The following KCTD16 variants were observed in gnomAD, a reference collection of about 807,000 sequenced individuals.
KCTD16 encodes the protein BTB/POZ domain-containing protein KCTD16.
In KCTD16, 13 loss-of-function variants were observed where a neutral mutation model predicts 33.2. The observed-to-expected ratio is 0.39, with a 90% CI of 0.25 to 0.62. The LOEUF (loss-of-function observed/expected upper bound fraction) is 0.62. Ranked by LOEUF, KCTD16 falls within the 20% of genes least tolerant of loss-of-function variation. The pLI, the probability that KCTD16 is intolerant of heterozygous loss-of-function variation, is 0.50. For synonymous variants in KCTD16, 197 were observed against 195.3 expected (o/e 1.01, Z -0.07); for missense variants, 441 against 525.1 (o/e 0.84, Z 1.57).
intron 3 of KCTD16, among the ~76,000 whole-genome samples, chr5:144,452,584 A>G (rs1753970379): frequency 6.6e-6 from 1 of 151,980 alleles, no homozygotes; most frequent in Non-Finnish European, 1.5e-5. Flanking sequence ...TGGACGGGAA[A>G]GAGCATTGCT....
chr5:144,239,210 G>T (rs1754334729), intron 3 of KCTD16, among the ~76,000 whole-genome samples: 1 of 152,096 alleles, frequency 6.6e-6, no homozygotes, highest in African/African-American at 2.4e-5. Flanking sequence ...CCCTTAGGAA[G>T]CCATGATGCT....
At chr5:144,342,134 G>A (rs1199450558) in intron 3 of KCTD16, among the ~76,000 whole-genome samples, 2 of 151,978 alleles carry the variant, frequency 1.3e-5, no homozygotes, top group Non-Finnish European at 2.9e-5. Context: ...AGCTTGATGG[G>A]GATGGCATTG....
At chr5:144,322,052 A>G (rs968418331) in intron 3 of KCTD16, among the ~76,000 whole-genome samples, 1 of 152,204 alleles carries the variant, frequency 6.6e-6, no homozygotes, top group African/African-American at 2.4e-5. Flanking sequence ...TGTAGAAGCA[A>G]TATAAATTTT....
chr5:144,331,680 A>G lies in KCTD16; in HGVS notation c.832+124134A>G, dbSNP rs540220338. ...GTTACTGTCACTCACCAATGGTAGTATCATGTTATTAAGAGTCTGAGAGAA... is the reference window on the plus strand; with the variant it reads ...GTTACTGTCACTCACCAATGGTAGTGTCATGTTATTAAGAGTCTGAGAGAA... On this transcript the variant is annotated intron_variant, in intron 3 of 3. Transcript: ENST00000512467. Among the ~76,000 whole-genome samples the G allele has an allele frequency of 2.0e-4, 30 of 152,290 alleles. No individual in the cohort carries two copies. In the South Asian group the frequency reaches 2.1e-3, roughly 11 times the overall value.
chr5:144,424,826 C>T (rs1447619378), intron 3 of KCTD16, among the ~76,000 whole-genome samples: 4 of 152,118 alleles, frequency 2.6e-5, no homozygotes, highest in African/African-American at 7.2e-5. Flanking sequence ...GAGGAAATCC[C>T]TCATTGCCTA....
intron 3 of KCTD16, among the ~76,000 whole-genome samples, chr5:144,282,145 C>A (rs1755624763): frequency 6.6e-6 from 1 of 152,146 alleles, no homozygotes; most frequent in South Asian, 2.1e-4. Context: ...CTTTCACCCC[C>A]ACCTCCCAAC....
At position 144,205,815 on chromosome 5, in the gene KCTD16, T is replaced by A. The variant is rs1233713498; in HGVS notation, c.-326-574T>A. On this transcript the variant is annotated intron_variant, in intron 2 of 3. Transcript: ENST00000512467. ...ACTTAAGATACGGAATGAACACATA[T>A]GTACCTACATACATACATAAATACA... 8 of 373,406 alleles carry A rather than the reference T, an allele frequency of 2.1e-5. No individual in the cohort carries two copies. In the East Asian group the frequency reaches 3.1e-4, roughly 14 times the overall value. 23.1% of individuals were successfully genotyped at this position (373,406 alleles called of 1,614,324 possible). A position where few individuals can be genotyped will look rare whatever the true frequency, so the allele number is the denominator to read the frequency against.
At chr5:144,276,232 T>G (rs781114015) in intron 3 of KCTD16, among the ~76,000 whole-genome samples, 5 of 152,214 alleles carry the variant, frequency 3.3e-5, no homozygotes, top group Non-Finnish European at 7.3e-5. Context: ...TGTGTTTTTT[T>G]GTAAAAAGAA....
rs567151348 is a variant in KCTD16 at position 144,318,861 on chromosome 5, A to G, written c.832+111315A>G. 2.0e-5 allele frequency among the ~76,000 whole-genome samples: 3 copies of G among 152,310 alleles called. No homozygotes were observed. The East Asian group carries it at 5.8e-4, about 29-fold the overall frequency. On this transcript the variant is annotated intron_variant, in intron 3 of 3. Transcript: ENST00000512467. Reference sequence around the variant, plus strand: ...TTCACATTTTAATTGCTACATATTTATTTTATTAAAAATAATTAAACTGGC... The same window carrying G: ...TTCACATTTTAATTGCTACATATTTGTTTTATTAAAAATAATTAAACTGGC...
chr5:144,270,551 A>G (rs1430191294), intron 3 of KCTD16, among the ~76,000 whole-genome samples: 1 of 151,794 alleles, frequency 6.6e-6, no homozygotes, highest in Non-Finnish European at 1.5e-5. Flanking sequence ...TTTTATAGCT[A>G]TAAAATTTTA....
At chr5:144,346,799 T>G (rs1370825097) in intron 3 of KCTD16, among the ~76,000 whole-genome samples, 2 of 152,222 alleles carry the variant, frequency 1.3e-5, no homozygotes, top group African/African-American at 4.8e-5. Context: ...TCTCCCATTA[T>G]GTGGGTTGTC....
intron 3 of KCTD16, among the ~76,000 whole-genome samples, chr5:144,404,707 G>C (rs961866456): frequency 1.3e-5 from 2 of 152,220 alleles, no homozygotes; most frequent in South Asian, 2.1e-4. Context: ...CTCATGGCAT[G>C]TTGGGAGTGT....
In KCTD16 at chr5:144,204,152, G is replaced by A. The variant is rs1237564319; in HGVS notation, c.-326-2237G>A. Among the ~76,000 whole-genome samples, 19 of 152,140 alleles carry A rather than the reference G, an allele frequency of 1.2e-4. 1 individual carries two copies. Among genetic ancestry groups the A allele is most frequent in the Admixed American group, 1.2e-3 (19 of 15,278 alleles). ...AAACTAATTTATCCTACTGTTGAGCGTATCTTCAAGCTAATTTTTTGGGCA... is the reference window on the plus strand; with the variant it reads ...AAACTAATTTATCCTACTGTTGAGCATATCTTCAAGCTAATTTTTTGGGCA... On this transcript the variant is annotated intron_variant, in intron 2 of 3. Coordinates refer to ENST00000512467, the MANE Select transcript of KCTD16 (RefSeq NM_020768.4).
At chr5:144,174,090 C>T (rs904726056) in intron 1 of KCTD16, among the ~76,000 whole-genome samples, 3 of 151,950 alleles carry the variant, frequency 2.0e-5, no homozygotes, top group African/African-American at 7.3e-5. Flanking sequence ...GTAATAGCTG[C>T]GCAGTCCTTC....
rs745859676 is a variant in KCTD16, at chr5:144,183,773, G to A, written c.-327+9301G>A. On this transcript the variant is annotated intron_variant, in intron 2 of 3. Transcript: ENST00000512467. ...GTGCCTAGCAAATGGTAGGTGCTTA[G>A]TAAATATTTGCTATATGTTATAAAT... 2.7e-4 allele frequency among the ~76,000 whole-genome samples: 41 copies of A among 152,282 alleles called. 1 individual carries two copies. The highest frequency in any genetic ancestry group is 6.8e-3 in the Middle Eastern group (2 of 294).
intron 2 of KCTD16, among the ~76,000 whole-genome samples, chr5:144,175,902 G>T (rs1174221508): frequency 6.6e-6 from 1 of 152,136 alleles, no homozygotes; most frequent in Non-Finnish European, 1.5e-5. Context: ...AAGCTATAAG[G>T]ATTAGGTTTG....
intron 3 of KCTD16, among the ~76,000 whole-genome samples, chr5:144,262,247 G>T (rs932731228): frequency 5.9e-5 from 9 of 152,152 alleles, no homozygotes; most frequent in African/African-American, 1.9e-4. Flanking sequence ...TCCAGGCAGA[G>T]GGAACAGCAA....
chr5:144,381,612 G>A (rs1752217188), intron 3 of KCTD16, among the ~76,000 whole-genome samples: 1 of 151,992 alleles, frequency 6.6e-6, no homozygotes, highest in Non-Finnish European at 1.5e-5. Flanking sequence ...GGGGGGAGGT[G>A]CCACACACTT....
chr5:144,430,405 G>A (rs1158976860), intron 3 of KCTD16, among the ~76,000 whole-genome samples: 1 of 152,132 alleles, frequency 6.6e-6, no homozygotes, highest in Admixed American at 6.5e-5. Context: ...GTGCTTGTGA[G>A]TTTGCCTGTG....
Sources: allele counts gnomAD v4.1 joint callset (sites outside exome capture counted in the v4.1 genomes callset), GRCh38; gene constraint gnomAD v4.1.1; transcripts MANE v1.5; gene names NCBI Gene and HGNC (gene_info 2026-07-23, HGNC 2026-07-21).